The following WBP11 variants were observed in gnomAD, a reference collection of about 807,000 sequenced individuals.
WBP11 encodes the protein WW domain binding protein 11.
Under a neutral mutation model 66.7 loss-of-function variants are expected in WBP11, and 12 were observed. That is an observed-to-expected ratio of 0.18 (90% confidence interval 0.12 to 0.29). The LOEUF (loss-of-function observed/expected upper bound fraction) is 0.29. Among genes scored for constraint, WBP11 ranks in the 10% least tolerant of loss-of-function variants. WBP11 has a pLI of 1.00. For synonymous variants in WBP11, 255 were observed against 273.8 expected, an observed-to-expected ratio of 0.93 and a Z score of 0.68; for missense variants, 555 against 818.3, an observed-to-expected ratio of 0.68 and a Z score of 3.93.
chr12:14,801,513 A>C lies in WBP11; in HGVS notation c.-45-85T>G, dbSNP rs1949962580. On this transcript the variant is annotated intron_variant, in intron 1 of 11. Transcript: ENST00000261167. Reference sequence around the variant, plus strand: ...TAGTCCCTACCAATCTCTGAAAAAAAATTCCTTTAATTAGAAATTCTGTGA... The same window carrying C: ...TAGTCCCTACCAATCTCTGAAAAAACATTCCTTTAATTAGAAATTCTGTGA... The C allele has an allele frequency of 2.0e-5, 16 of 816,484 alleles. No individual in the cohort carries two copies. In the South Asian group the frequency reaches 2.9e-4, roughly 15 times the overall value. 50.6% of individuals were successfully genotyped at this position (816,484 alleles called of 1,614,324 possible). A position where few individuals can be genotyped will look rare whatever the true frequency, so the allele number is the denominator to read the frequency against.
At position 14,791,155 on chromosome 12, in the gene WBP11, T is replaced by A; in HGVS notation, c.1015+14A>T. ...TACACCAAAAGGTGATTCACTATTT[T>A]TTCCCTGCCTCACCTGCCATACGAA... On this transcript the variant is annotated intron_variant, in intron 9 of 11. Coordinates refer to ENST00000261167, the MANE Select transcript of WBP11 (RefSeq NM_016312.3). The A allele has an allele frequency of 6.2e-7, 1 of 1,612,976 alleles. No individual in the cohort carries two copies. Among genetic ancestry groups the A allele is most frequent in the Non-Finnish European group, 8.5e-7 (1 of 1,179,112 alleles).
At chr12:14,801,192 C>G in intron 2 of WBP11, 128 bp downstream of exon 2, 1 of 882,864 alleles carries the variant, frequency 1.1e-6, no homozygotes, top group Non-Finnish European at 1.8e-6. Flanking sequence ...CCATACAAAC[C>G]CTGAATATAT....
chr12:14,801,415 A>T lies in WBP11; in HGVS notation c.-32T>A. On this transcript the variant is annotated 5_prime_UTR_variant, in exon 2 of 12. Transcript: ENST00000261167. ...AATTTGTATGGTTTACTTGTTCATTAAAAAAAGAAAAACCTGTGAAGGTGA... is the reference window on the plus strand; with the variant it reads ...AATTTGTATGGTTTACTTGTTCATTTAAAAAAGAAAAACCTGTGAAGGTGA... 2 of 1,600,886 alleles carry T rather than the reference A, an allele frequency of 1.2e-6. No individual in the cohort carries two copies. The highest frequency in any genetic ancestry group is 1.7e-6 in the Non-Finnish European group (2 of 1,171,332).
intron 4 of WBP11, among the ~76,000 whole-genome samples, chr12:14,798,224 C>A (rs116673488): frequency 1.6e-4 from 25 of 152,244 alleles, no homozygotes; most frequent in African/African-American, 5.5e-4. Flanking sequence ...TTAGTAAAAG[C>A]GCTGAATGCC....
intron 8 of WBP11, 34 bp downstream of exon 8, chr12:14,793,697 T>C (rs770385338): frequency 1.9e-6 from 3 of 1,596,224 alleles, no homozygotes; most frequent in East Asian, 4.5e-5. Flanking sequence ...TTCTCTTTAT[T>C]GATCAATACC....
intron 10 of WBP11, among the ~76,000 whole-genome samples, chr12:14,789,842 T>G (rs764470392): frequency 3.3e-5 from 5 of 152,220 alleles, no homozygotes; most frequent in African/African-American, 9.6e-5. Context: ...ATAGGTAACT[T>G]TGCTTTGCAC....
chr12:14,792,220 T>TA (rs1047128065), intron 8 of WBP11, among the ~76,000 whole-genome samples: 14 of 151,158 alleles, frequency 9.3e-5, no homozygotes, highest in African/African-American at 1.7e-4. Flanking sequence ...CTAAAGAACT[T>TA]AAAAAAAACA....
rs1949811674 is a variant in WBP11 at position 14,790,688 on chromosome 12, ATCT to A, written c.1074_1076del (p.Glu358del). The A allele has an allele frequency of 1.9e-6, 3 of 1,614,226 alleles. No individual in the cohort carries two copies. Among genetic ancestry groups the A allele is most frequent in the Non-Finnish European group, 2.5e-6 (3 of 1,180,042 alleles). On this transcript the variant is annotated inframe_deletion, in exon 10 of 12. Coordinates refer to ENST00000261167, the MANE Select transcript of WBP11 (RefSeq NM_016312.3). ...TTTCTGCTTCAGAGTCATCAGAATC[ATCT>A]TCATCATCGTCCTCTGAAAATTCCT...
At chr12:14,798,796 T>C (rs186390787) in intron 4 of WBP11, among the ~76,000 whole-genome samples, 7 of 152,322 alleles carry the variant, frequency 4.6e-5, no homozygotes, top group Admixed American at 1.3e-4. Flanking sequence ...TTTAAAATGC[T>C]ATTTTACAAA....
chr12:14,801,588 AC>A (rs766555384), intron 1 of WBP11, among the ~76,000 whole-genome samples, 160 bp from the exon 2 acceptor site: 1 of 152,120 alleles, frequency 6.6e-6, no homozygotes, highest in Non-Finnish European at 1.5e-5. Context: ...AGATGGCATC[AC>A]CTTTCTTGAC....
intron 2 of WBP11, chr12:14,801,028 C>A: frequency 2.1e-6 from 1 of 470,802 alleles, no homozygotes. Context: ...AAAAACATAA[C>A]ATAAAACGCG....
At position 14,798,930 on chromosome 12, in the gene WBP11, CAT is replaced by C. The variant is rs1209968420; in HGVS notation, c.190+703_190+704del. On this transcript the variant is annotated intron_variant, in intron 4 of 11. Coordinates refer to ENST00000261167, the MANE Select transcript of WBP11 (RefSeq NM_016312.3). ...TCTATTAAAAAAACAAAATATTCTA[CAT>C]GTTCTAATATTAAACAGAATGGATA... Among the ~76,000 whole-genome samples, 4 of 152,216 alleles carry C rather than the reference CAT, an allele frequency of 2.6e-5. No individual in the cohort carries two copies. In the East Asian group the frequency reaches 7.7e-4, roughly 29 times the overall value.
chr12:14,793,908 C>G lies in WBP11; in HGVS notation c.736G>C (p.Asp246His), dbSNP rs750459772. The G allele has an allele frequency of 1.9e-6, 3 of 1,610,510 alleles. No individual in the cohort carries two copies. Among genetic ancestry groups the G allele is most frequent in the Admixed American group, 3.3e-5 (2 of 59,740 alleles). The change falls in exon 8 of 12, where the codon GAT becomes CAT. Residue 246 changes from aspartate (D) to histidine (H), a missense_variant. Transcript: ENST00000261167. ...TCACTGGTGCTAGAAACATCATCAT[C>G]ATGACCTCGCTGGGCTGAAAAGTGG... ...YSPELAQRGH[D>H]DDVSSTSEDD...
chr12:14,784,662 C>G lies in WBP11; in HGVS notation c.*2403G>C, dbSNP rs1949731839. On this transcript the variant is annotated 3_prime_UTR_variant, in exon 12 of 12. Transcript: ENST00000261167. The stretch of plus-strand genomic sequence containing the variant: ...ACTGAAACAGAATCTTGGATAGCAT[C>G]CAGGGCTTCATGCTGATTCCATGAC... 6.6e-6 allele frequency: 1 copy of G among 152,128 alleles called. No individual in the cohort carries two copies. The highest frequency in any genetic ancestry group is 2.1e-4 in the South Asian group (1 of 4,826). 9.4% of individuals were successfully genotyped at this position (152,128 alleles called of 1,614,324 possible). A position where few individuals can be genotyped will look rare whatever the true frequency, so the allele number is the denominator to read the frequency against.
intron 11 of WBP11, among the ~76,000 whole-genome samples, chr12:14,787,847 G>C (rs1949771751): frequency 6.6e-6 from 1 of 152,174 alleles, no homozygotes; most frequent in Non-Finnish European, 1.5e-5. Context: ...GTAAGGACAA[G>C]GTCAGGAGAC....
At position 14,786,826 on chromosome 12, in the gene WBP11, G is replaced by A; in HGVS notation, c.*239C>T. 2 of 403,454 alleles carry A rather than the reference G, an allele frequency of 5.0e-6. No individual in the cohort carries two copies. Among genetic ancestry groups the A allele is most frequent in the Non-Finnish European group, 8.9e-6 (2 of 224,804 alleles). The allele number at this position is 403,454 out of a possible 1,614,324, so 25.0% of individuals were successfully genotyped here. On this transcript the variant is annotated 3_prime_UTR_variant, in exon 12 of 12. Coordinates refer to ENST00000261167, the MANE Select transcript of WBP11 (RefSeq NM_016312.3). ...GGAGGGGAAGAAACAGGGTGAAAAT[G>A]GTGGTATGAAAGGGAATGGATGTTA... is the stretch of plus-strand genomic sequence containing the variant.
chr12:14,793,220 TTTC>T (rs1949842715), intron 8 of WBP11, among the ~76,000 whole-genome samples: 1 of 152,274 alleles, frequency 6.6e-6, no homozygotes, highest in South Asian at 2.1e-4. Context: ...TGCTTAAAAT[TTTC>T]TTGACAAATG....
chr12:14,790,341 G>A (rs1949805855), intron 10 of WBP11, 115 bp downstream of exon 10: 1 of 1,349,416 alleles, frequency 7.4e-7, no homozygotes, highest in Non-Finnish European at 1.0e-6. Flanking sequence ...CACATCTTAA[G>A]AGAATCCAAT....
At chr12:14,793,945 G>A (rs1297862854) in intron 7 of WBP11, 23 bp from the exon 8 acceptor site, 1 of 1,590,566 alleles carries the variant, frequency 6.3e-7, no homozygotes, top group Non-Finnish European at 8.6e-7. Context: ...AAGGGAACAT[G>A]GAGAAGTAGT....
Sources: gnomAD v4.1 joint callset for allele counts (sites outside exome capture counted in the v4.1 genomes callset) on GRCh38, gnomAD v4.1.1 for gene constraint, MANE v1.5 for transcripts, NCBI Gene and HGNC (gene_info 2026-07-23, HGNC 2026-07-21) for gene names.